Variants in BCKDHB observed in about 807,000 individuals in gnomAD.
The protein encoded by BCKDHB is 2-oxoisovalerate dehydrogenase subunit beta, mitochondrial.
A neutral mutation model predicts 48.5 loss-of-function variants in BCKDHB; 41 were observed. The ratio of observed to expected loss-of-function variants is 0.85; its 90% confidence interval spans 0.66 to 1.10. The LOEUF is 1.10. Among genes scored for constraint, BCKDHB ranks in the 50% least tolerant of loss-of-function variants. The pLI is 0.00. For synonymous variants in BCKDHB, 201 were observed against 174.8 expected (o/e 1.15, Z -1.18); for missense variants, 496 against 494.2 (o/e 1.00, Z -0.03).
At chr6:80,385,054 G>A in the BCKDHB span, among the ~76,000 whole-genome samples, 1 of 152,132 alleles carries the variant, frequency 6.6e-6, no homozygotes, top group Non-Finnish European at 1.5e-5. Context: ...TTGCTCATGA[G>A]GGGCAAGAAG....
At position 80,255,204 on chromosome 6, in the gene BCKDHB, C is replaced by T. The variant is rs377276923; in HGVS notation, c.952-17931C>T. The stretch of plus-strand genomic sequence containing the variant: ...TTATACCTTATTGTACTTTTGCTAA[C>T]AGTGCATTGCACCTCCATAAACTGT... On this transcript the variant is annotated intron_variant, in intron 8 of 9. Transcript: ENST00000320393. Among the ~76,000 whole-genome samples, 35 of 152,258 alleles carry T rather than the reference C, an allele frequency of 2.3e-4. 1 individual carries two copies. The highest frequency in any genetic ancestry group is 1.8e-3 in the Admixed American group (27 of 15,282).
chr6:80,379,771 C>CA, the BCKDHB span, among the ~76,000 whole-genome samples: 145,568 of 151,964 alleles, frequency 0.96, 70,052 homozygotes, highest in Middle Eastern at 1. Flanking sequence ...AATCAATTTA[C>CA]ATAATTAGTA....
chr6:80,265,763 A>C (rs143578919), intron 8 of BCKDHB, among the ~76,000 whole-genome samples: 33 of 152,262 alleles, frequency 2.2e-4, no homozygotes, highest in African/African-American at 7.2e-4. Context: ...TAAACTTGGA[A>C]CAATATAATA....
At chr6:80,367,164 A>G in the BCKDHB span, among the ~76,000 whole-genome samples, 1 of 152,172 alleles carries the variant, frequency 6.6e-6, no homozygotes, top group Non-Finnish European at 1.5e-5. Context: ...AGCAAGAAAA[A>G]TTACTGTTAA....
intron 7 of BCKDHB, 83 bp downstream of exon 7, chr6:80,201,114 A>C (rs1168599249): frequency 1.7e-6 from 2 of 1,183,574 alleles, no homozygotes; most frequent in Admixed American, 3.6e-5. Context: ...GAAAAATTGA[A>C]AACGATGTTT....
intron 8 of BCKDHB, among the ~76,000 whole-genome samples, chr6:80,251,412 T>C (rs111576814): frequency 2.2e-4 from 34 of 152,214 alleles, no homozygotes; most frequent in African/African-American, 8.0e-4. Flanking sequence ...TTATTTAAAA[T>C]GTCTAGTGAA....
chr6:80,172,217 G>T (rs1226352396), intron 6 of BCKDHB, among the ~76,000 whole-genome samples: 2 of 152,030 alleles, frequency 1.3e-5, no homozygotes, highest in African/African-American at 4.8e-5. Flanking sequence ...TCTTTGCTGA[G>T]TAGTAGTCCA....
chr6:80,268,405 A>G (rs945629540), intron 8 of BCKDHB, among the ~76,000 whole-genome samples: 6 of 152,090 alleles, frequency 3.9e-5, no homozygotes, highest in Non-Finnish European at 8.8e-5. Context: ...TGATTTCAGA[A>G]GGAACTGATA....
At chr6:80,166,883 G>T (rs1275699136) in intron 3 of BCKDHB, among the ~76,000 whole-genome samples, 1 of 152,060 alleles carries the variant, frequency 6.6e-6, no homozygotes, top group Non-Finnish European at 1.5e-5. Flanking sequence ...ATGTCAGTTA[G>T]GCCATGTTTG....
At chr6:80,181,648 G>A (rs1040972858) in intron 6 of BCKDHB, among the ~76,000 whole-genome samples, 1 of 152,108 alleles carries the variant, frequency 6.6e-6, no homozygotes, top group Admixed American at 6.6e-5. Context: ...ATCACCCTGC[G>A]GGCTGGCTCA....
the BCKDHB span, among the ~76,000 whole-genome samples, chr6:80,458,246 A>G: frequency 1.3e-5 from 2 of 152,182 alleles, no homozygotes; most frequent in Non-Finnish European, 2.9e-5. Context: ...ATTCTTGGAG[A>G]GAAGAAATGC....
In BCKDHB at chr6:80,155,987, C is replaced by CT. The variant is rs371560360; in HGVS notation, c.344-11688dup. Among the ~76,000 whole-genome samples, 260 of 151,658 alleles carry CT rather than the reference C, an allele frequency of 1.7e-3. 1 individual carries two copies. The highest frequency in any genetic ancestry group is 5.9e-3 in the African/African-American group (246 of 41,420). ...CATGGATAGTTTGTTTTAAAAAATA[C>CT]TTTCCCCCCCAACTTAGTCTTAAGT... On this transcript the variant is annotated intron_variant, in intron 3 of 9. Coordinates refer to ENST00000320393, the MANE Select transcript of BCKDHB (RefSeq NM_183050.4).
At chr6:80,423,376 T>C in the BCKDHB span, among the ~76,000 whole-genome samples, 1 of 152,208 alleles carries the variant, frequency 6.6e-6, no homozygotes, top group Admixed American at 6.5e-5. Context: ...TAATACAGGC[T>C]CTAACAAAGA....
chr6:80,317,355 C>T (rs1048401045), intron 9 of BCKDHB, among the ~76,000 whole-genome samples: 2 of 152,188 alleles, frequency 1.3e-5, no homozygotes, highest in African/African-American at 2.4e-5. Flanking sequence ...TCAACAGAGC[C>T]GCATTCCTTT....
At chr6:80,361,532 T>A in the BCKDHB span, among the ~76,000 whole-genome samples, 1 of 152,214 alleles carries the variant, frequency 6.6e-6, no homozygotes, top group Non-Finnish European at 1.5e-5. Context: ...TGTGTTCTCC[T>A]TTAGTGTAGC....
chr6:80,136,753 A>C (rs551350809), intron 3 of BCKDHB, among the ~76,000 whole-genome samples: 2 of 149,140 alleles, frequency 1.3e-5, no homozygotes, highest in East Asian at 3.9e-4. Context: ...AAAACTCTAC[A>C]AAAAAAACCC....
At chr6:80,278,965 AT>A (rs1778083583) in intron 9 of BCKDHB, among the ~76,000 whole-genome samples, 1 of 152,210 alleles carries the variant, frequency 6.6e-6, no homozygotes, top group Non-Finnish European at 1.5e-5. Flanking sequence ...GAGATAAAAC[AT>A]TTGTGTAATA....
intron 9 of BCKDHB, among the ~76,000 whole-genome samples, chr6:80,301,902 TCTA>T (rs2127991468): frequency 6.6e-6 from 1 of 152,192 alleles, no homozygotes; most frequent in East Asian, 1.9e-4. Context: ...ACTGGGATAA[TCTA>T]CTGATTACCT....
intron 9 of BCKDHB, among the ~76,000 whole-genome samples, chr6:80,327,353 G>A (rs1237630063): frequency 1.3e-5 from 2 of 152,186 alleles, no homozygotes; most frequent in Non-Finnish European, 2.9e-5. Context: ...ATGGTTGTAT[G>A]AGTAAAGTAC....
Sources: gnomAD v4.1 joint callset for allele counts (sites outside exome capture counted in the v4.1 genomes callset) on GRCh38, gnomAD v4.1.1 for gene constraint, MANE v1.5 for transcripts, NCBI Gene and HGNC (gene_info 2026-07-23, HGNC 2026-07-21) for gene names.